MSRA: variants seen among roughly 807,000 people sequenced by gnomAD.
MSRA encodes the protein mitochondrial peptide methionine sulfoxide reductase.
MSRA carries 54 observed loss-of-function variants against 31.3 expected under a neutral mutation model. The observed-to-expected ratio is 1.73, with a 90% confidence interval of 1.39 to 2.17. The LOEUF (loss-of-function observed/expected upper bound fraction) is 2.17, where lower values mean the gene tolerates loss of function less well. Among genes scored for constraint, MSRA ranks in the 30% most tolerant of loss-of-function variants. The pLI, the probability that MSRA is intolerant of heterozygous loss-of-function variation, is 0.00. For missense variants in MSRA, 507 were observed against 300.9 expected (o/e 1.69, Z -5.07); for synonymous variants, 169 against 116.5 (o/e 1.45, Z -2.90).
At chr8:10,143,976 G>A (rs1046788405) in intron 1 of MSRA, among the ~76,000 whole-genome samples, 1 of 152,144 alleles carries the variant, frequency 6.6e-6, no homozygotes, top group Non-Finnish European at 1.5e-5. Context: ...CTCCTGTTGA[G>A]GATGTTCTGT....
intron 5 of MSRA, among the ~76,000 whole-genome samples, chr8:10,367,700 G>A (rs1297979119): frequency 2.0e-5 from 3 of 152,242 alleles, no homozygotes; most frequent in Admixed American, 1.3e-4. Flanking sequence ...CAAGGGCTCC[G>A]ATCGCGGGCA....
intron 3 of MSRA, among the ~76,000 whole-genome samples, chr8:10,296,232 CACTT>C (rs1800534312): frequency 6.6e-6 from 1 of 152,124 alleles, no homozygotes; most frequent in African/African-American, 2.4e-5. Context: ...TGGAGTGAGG[CACTT>C]ACAGAGATAA....
At chr8:10,352,518 A>G (rs1022411609) in intron 5 of MSRA, among the ~76,000 whole-genome samples, 1 of 152,138 alleles carries the variant, frequency 6.6e-6, no homozygotes, top group African/African-American at 2.4e-5. Flanking sequence ...TGGTGAAAGA[A>G]TGATCCGAGG....
intron 5 of MSRA, among the ~76,000 whole-genome samples, chr8:10,382,077 G>A (rs1806102266): frequency 6.6e-6 from 1 of 152,268 alleles, no homozygotes; most frequent in Admixed American, 6.5e-5. Flanking sequence ...GAGTCCCAGT[G>A]AAGTTAAGTG....
At chr8:10,249,240 C>G (rs962309179) in intron 3 of MSRA, among the ~76,000 whole-genome samples, 3 of 152,188 alleles carry the variant, frequency 2.0e-5, no homozygotes, top group African/African-American at 7.2e-5. Context: ...GTTAGTCAGG[C>G]AGACAGTTCT....
At chr8:10,248,148 A>G (rs554051303) in intron 3 of MSRA, among the ~76,000 whole-genome samples, 25 of 152,224 alleles carry the variant, frequency 1.6e-4, no homozygotes, top group Admixed American at 1.6e-3. Context: ...GCTGAGGTCC[A>G]TTGTGGGAGA....
At chr8:10,065,907 G>C (rs1303731318) in intron 1 of MSRA, among the ~76,000 whole-genome samples, 1 of 151,796 alleles carries the variant, frequency 6.6e-6, no homozygotes, top group Non-Finnish European at 1.5e-5. Context: ...GACAGTGCCT[G>C]CTCCTACCGT....
chr8:10,317,609 TA>T (rs1801800632), intron 4 of MSRA, among the ~76,000 whole-genome samples: 1 of 152,192 alleles, frequency 6.6e-6, no homozygotes, highest in Non-Finnish European at 1.5e-5. Context: ...TTAATCAGTT[TA>T]TAGAGTACTA....
intron 5 of MSRA, among the ~76,000 whole-genome samples, chr8:10,361,476 T>G (rs1285268635): frequency 6.6e-6 from 1 of 152,148 alleles, no homozygotes; most frequent in Non-Finnish European, 1.5e-5. Flanking sequence ...ATAGGTAACT[T>G]CCCTTTGCAT....
At chr8:10,355,761 G>A (rs1041642462) in intron 5 of MSRA, among the ~76,000 whole-genome samples, 1 of 152,152 alleles carries the variant, frequency 6.6e-6, no homozygotes, top group African/African-American at 2.4e-5. Context: ...AGATGCAGGT[G>A]GTGGCCAGGG....
intron 3 of MSRA, among the ~76,000 whole-genome samples, chr8:10,291,158 T>C (rs987378257): frequency 2.6e-5 from 4 of 152,256 alleles, no homozygotes; most frequent in African/African-American, 9.6e-5. Flanking sequence ...CATTGACTGC[T>C]TTCTTGAAGA....
intron 5 of MSRA, among the ~76,000 whole-genome samples, chr8:10,358,565 C>CTTTTTTTTTTTTTTTT (rs59106668): frequency 4.7e-5 from 3 of 64,002 alleles, no homozygotes; most frequent in Non-Finnish European, 7.9e-5. Context: ...GCATTAGATT[C>CTTTTTTTTTTTTTTTT]TTTTTTTTTT....
intron 1 of MSRA, among the ~76,000 whole-genome samples, chr8:10,111,672 G>C (rs1206179949): frequency 2.6e-5 from 4 of 152,202 alleles, no homozygotes; most frequent in African/African-American, 7.2e-5. Flanking sequence ...GAATGTTCTT[G>C]TTCATGTTAT....
chr8:10,057,286 A>G (rs1802429948), intron 1 of MSRA, among the ~76,000 whole-genome samples: 1 of 152,134 alleles, frequency 6.6e-6, no homozygotes, highest in African/African-American at 2.4e-5. Flanking sequence ...CTTGCCCTGT[A>G]TGTGGAGATG....
intron 2 of MSRA, among the ~76,000 whole-genome samples, chr8:10,231,869 C>G (rs1257459543): frequency 6.6e-6 from 1 of 152,076 alleles, no homozygotes; most frequent in Non-Finnish European, 1.5e-5. Flanking sequence ...CATCACTGCA[C>G]TCCAGCCTGG....
intron 1 of MSRA, among the ~76,000 whole-genome samples, chr8:10,148,990 T>C (rs1803411759): frequency 6.7e-6 from 1 of 150,054 alleles, no homozygotes; most frequent in Non-Finnish European, 1.5e-5. Context: ...ATAGTGTCAC[T>C]CTGTCGCCCA....
chr8:10,256,024 A>C (rs1251233887), intron 3 of MSRA, among the ~76,000 whole-genome samples: 4 of 151,626 alleles, frequency 2.6e-5, no homozygotes, highest in Non-Finnish European at 4.4e-5. Flanking sequence ...CGTTGAGTTC[A>C]CTCTTGATGT....
chr8:10,245,361 A>G (rs577512038), intron 3 of MSRA, 138 bp downstream of exon 3: 37 of 762,988 alleles, frequency 4.8e-5, no homozygotes, highest in Non-Finnish European at 6.3e-5. Context: ...GTATATATAT[A>G]CTTGTGAGCT....
intron 2 of MSRA, among the ~76,000 whole-genome samples, chr8:10,219,140 A>C (rs927210919): frequency 5.3e-5 from 8 of 152,224 alleles, no homozygotes; most frequent in African/African-American, 1.9e-4. Flanking sequence ...TTGAAATGAT[A>C]GAAATGGAGA....
Sources: gnomAD v4.1 joint callset for allele counts (sites outside exome capture counted in the v4.1 genomes callset) on GRCh38, gnomAD v4.1.1 for gene constraint, MANE v1.5 for transcripts, NCBI Gene and HGNC (gene_info 2026-07-23, HGNC 2026-07-21) for gene names.